The following ERLIN2 variants were observed in gnomAD, a reference collection of about 807,000 sequenced individuals.
ERLIN2 encodes erlin-2.
Under a neutral mutation model 41.5 loss-of-function variants are expected in ERLIN2, and 22 were observed. The observed-to-expected ratio is 0.53, with a 90% CI of 0.38 to 0.76. ERLIN2 has a LOEUF of 0.76. Among genes scored for constraint, ERLIN2 ranks in the 30% least tolerant of loss-of-function variants. The pLI is 0.00. For missense variants in ERLIN2, 247 were observed against 414.3 expected, an observed-to-expected ratio of 0.60 and a Z score of 3.51; for synonymous variants, 149 against 150.9, an observed-to-expected ratio of 0.99 and a Z score of 0.09.
rs1802852574 is a variant in ERLIN2 at position 37,741,539 on chromosome 8, C to T, written c.190-233C>T. On this transcript the variant is annotated intron_variant, in intron 3 of 11. Coordinates refer to ENST00000519638, the MANE Select transcript of ERLIN2 (RefSeq NM_007175.8). This position sits in a 1 kb window ranked among gnomAD's most constrained non-coding sequence, Gnocchi z 4.8. ...CAATCCAGTGTCATCTTCACTAAAC[C>T]ATTATTACTCAGCTTGTTGATGTGG... is the stretch of plus-strand genomic sequence containing the variant. Among the ~76,000 whole-genome samples the T allele has an allele frequency of 6.6e-6, 1 of 152,092 alleles. No individual in the cohort carries two copies. Among genetic ancestry groups the T allele is most frequent in the Admixed American group, 6.5e-5 (1 of 15,272 alleles).
rs370451293 is a variant in ERLIN2 at position 37,750,376 on chromosome 8, G to A, written c.558-19G>A. On this transcript the variant is annotated intron_variant, in intron 8 of 11. Coordinates refer to ENST00000519638, the MANE Select transcript of ERLIN2 (RefSeq NM_007175.8). The stretch of plus-strand genomic sequence containing the variant: ...CCTGAGTTTTCCATAGCTGCCTCAC[G>A]GCTTTTTCTTCTCTTCAGGGAAAGT... The A allele has an allele frequency of 2.8e-5, 45 of 1,601,446 alleles. No individual in the cohort carries two copies. Among genetic ancestry groups the A allele is most frequent in the Non-Finnish European group, 3.3e-5 (39 of 1,169,854 alleles).
At position 37,751,200 on chromosome 8, in the gene ERLIN2, A is replaced by G. The variant is rs187468724; in HGVS notation, c.650-426A>G. 9.4e-4 allele frequency among the ~76,000 whole-genome samples: 143 copies of G among 152,356 alleles called. 1 individual carries two copies. Among genetic ancestry groups the G allele is most frequent in the African/African-American group, 3.3e-3 (137 of 41,584 alleles). On this transcript the variant is annotated intron_variant, in intron 9 of 11. Coordinates refer to ENST00000519638, the MANE Select transcript of ERLIN2 (RefSeq NM_007175.8). The stretch of plus-strand genomic sequence containing the variant: ...ACAGAGGGGTAAAATACCATGCCCA[A>G]GGGCATATGGCAAGTAAGGGGTGGA...
chr8:37,744,920 C>A, intron 6 of ERLIN2: 1 of 683,718 alleles, frequency 1.5e-6, no homozygotes, highest in South Asian at 1.6e-5. Flanking sequence ...GCACAGGGAC[C>A]ATAGTGGAGT....
At chr8:37,746,136 C>G in intron 6 of ERLIN2, 1 of 992,824 alleles carries the variant, frequency 1.0e-6, no homozygotes, top group Non-Finnish European at 1.2e-6. Context: ...TGCTAGCAAG[C>G]ACTACTTGGC....
At chr8:37,750,964 C>T (rs1803205667) in intron 9 of ERLIN2, among the ~76,000 whole-genome samples, 1 of 152,168 alleles carries the variant, frequency 6.6e-6, no homozygotes, top group Admixed American at 6.5e-5. Context: ...CATGATCTGC[C>T]CACCTCAGCC....
intron 11 of ERLIN2, 123 bp from the exon 12 acceptor site, chr8:37,753,792 G>A (rs1005586936): frequency 1.9e-5 from 17 of 881,222 alleles, no homozygotes; most frequent in Non-Finnish European, 2.6e-5. Flanking sequence ...TTACAGAAAT[G>A]TAACAATGAG....
rs1236339540 is a variant in ERLIN2 at position 37,741,869 on chromosome 8, C to CT, written c.236+52dup. 7.0e-7 allele frequency: 1 copy of CT among 1,433,074 alleles called. No individual in the cohort carries two copies. The highest frequency in any genetic ancestry group is 9.9e-7 in the Non-Finnish European group (1 of 1,015,010). The allele number at this position is 1,433,074 out of a possible 1,614,324, so 88.8% of individuals were successfully genotyped here. A position where few individuals can be genotyped will look rare whatever the true frequency, so the allele number is the denominator to read the frequency against. On this transcript the variant is annotated intron_variant, in intron 4 of 11. Transcript: ENST00000519638. This position sits in a 1 kb window ranked among gnomAD's most constrained non-coding sequence, Gnocchi z 4.8. ...AAGCCCAAATAAGTCAGAGAAAAGG[C>CT]TGTCTGGCTGGTTGCAGGAAGAGAC...
rs1803187404 is a variant in ERLIN2 at position 37,750,258 on chromosome 8, C to G, written c.558-137C>G. 7 of 714,866 alleles carry G rather than the reference C, an allele frequency of 9.8e-6. No individual in the cohort carries two copies. In the South Asian group the frequency reaches 1.0e-4, roughly 11 times the overall value. 44.3% of individuals were successfully genotyped at this position (714,866 alleles called of 1,614,324 possible). A position where few individuals can be genotyped will look rare whatever the true frequency, so the allele number is the denominator to read the frequency against. On this transcript the variant is annotated intron_variant, in intron 8 of 11. Coordinates refer to ENST00000519638, the MANE Select transcript of ERLIN2 (RefSeq NM_007175.8). ...CTGTCAACAACAGATCAGCTTTTAC[C>G]TGGGCCATCGAACAGCCTTCCAGGA... is the stretch of plus-strand genomic sequence containing the variant.
intron 6 of ERLIN2, among the ~76,000 whole-genome samples, chr8:37,749,034 AAC>A (rs2129707859): frequency 6.6e-6 from 1 of 152,308 alleles, no homozygotes; most frequent in Admixed American, 6.5e-5. Flanking sequence ...TCCTAATAGA[AAC>A]AGTCTTCCTT....
At chr8:37,751,556 C>G in intron 9 of ERLIN2, 70 bp from the exon 10 acceptor site, 2 of 1,361,170 alleles carry the variant, frequency 1.5e-6, no homozygotes, top group Non-Finnish European at 2.1e-6. Context: ...GGACACTCAG[C>G]TCGGGTGAAA....
chr8:37,736,733 C>T, intron 1 of ERLIN2, 55 bp downstream of exon 1: 2 of 985,676 alleles, frequency 2.0e-6, no homozygotes, highest in Non-Finnish European at 2.4e-6. Flanking sequence ...CGCTCAGGGT[C>T]GGGGCTGACC....
At chr8:37,747,577 A>G (rs1377371339) in intron 6 of ERLIN2, 1 of 1,612,434 alleles carries the variant, frequency 6.2e-7, no homozygotes, top group Admixed American at 1.7e-5. Context: ...TTTGGTCATC[A>G]TCACCTTCTT....
At chr8:37,748,729 T>C (rs995403428) in intron 6 of ERLIN2, among the ~76,000 whole-genome samples, 15 of 152,312 alleles carry the variant, frequency 9.8e-5, no homozygotes, top group Admixed American at 9.8e-4. Flanking sequence ...TCTTTTTCTC[T>C]AAGCCCCTCC....
chr8:37,753,375 C>T, intron 10 of ERLIN2, 75 bp from the exon 11 acceptor site: 1 of 1,239,704 alleles, frequency 8.1e-7, no homozygotes, highest in African/African-American at 1.5e-5. Flanking sequence ...CAGAGTCTTC[C>T]CATAGCCTCT....
chr8:37,741,959 C>G lies in ERLIN2; in HGVS notation c.236+141C>G. 1 of 721,458 alleles carries G rather than the reference C, an allele frequency of 1.4e-6. No individual in the cohort carries two copies. The highest frequency in any genetic ancestry group is 2.5e-6 in the Non-Finnish European group (1 of 397,948). 44.7% of individuals were successfully genotyped at this position (721,458 alleles called of 1,614,324 possible). A position where few individuals can be genotyped will look rare whatever the true frequency, so the allele number is the denominator to read the frequency against. ...CTCGTAGCTCCCTATATTGATTTGACCAGGTGATGGAGTGCAGTAGAGGAA... is the reference window on the plus strand; with the variant it reads ...CTCGTAGCTCCCTATATTGATTTGAGCAGGTGATGGAGTGCAGTAGAGGAA... On this transcript the variant is annotated intron_variant, in intron 4 of 11. Coordinates refer to ENST00000519638, the MANE Select transcript of ERLIN2 (RefSeq NM_007175.8). The surrounding 1 kb of genome is among the most constrained non-coding windows in gnomAD (Gnocchi z 4.8).
intron 6 of ERLIN2, chr8:37,744,900 G>A (rs1211494920): frequency 7.1e-6 from 5 of 703,416 alleles, no homozygotes; most frequent in Admixed American, 4.0e-5. Context: ...TTAGAGGGCT[G>A]GAGCTTTGGG....
intron 6 of ERLIN2, among the ~76,000 whole-genome samples, chr8:37,748,935 C>G (rs987966147): frequency 6.6e-6 from 1 of 152,192 alleles, no homozygotes; most frequent in Non-Finnish European, 1.5e-5. Context: ...ACAAAGAAAT[C>G]AGGACCAAAG....
intron 6 of ERLIN2, 52 bp from the exon 7 acceptor site, chr8:37,749,507 C>A: frequency 1.6e-6 from 2 of 1,278,156 alleles, no homozygotes; most frequent in South Asian, 1.2e-5. Context: ...CCTGCCCTCC[C>A]TCATCTAGAA....
At position 37,756,846 on chromosome 8, in the gene ERLIN2, T is replaced by TTTTTTTTTTATAA. The variant is rs1469701618; in HGVS notation, c.*2731_*2732insTTTTTTTTTATAA. The TTTTTTTTTTATAA allele has an allele frequency of 3.9e-5, 6 of 152,666 alleles. No individual in the cohort carries two copies. The highest frequency in any genetic ancestry group is 1.2e-4 in the African/African-American group (5 of 41,454). The allele number at this position is 152,666 out of a possible 1,614,324, so 9.5% of individuals were successfully genotyped here. On this transcript the variant is annotated 3_prime_UTR_variant, in exon 12 of 12. Coordinates refer to ENST00000519638, the MANE Select transcript of ERLIN2 (RefSeq NM_007175.8). ...CAAAATAAGTAACTGTTTATAAAATTCAGTTTTTGTAGGGTTTTCCAAGGA... is the reference window on the plus strand; with the variant it reads ...CAAAATAAGTAACTGTTTATAAAATTTTTTTTTTTATAACAGTTTTTGTAGGGTTTTCCAAGGA...
Sources: gnomAD v4.1 joint callset for allele counts (sites outside exome capture counted in the v4.1 genomes callset) on GRCh38, gnomAD v4.1.1 for gene constraint, Gnocchi (gnomAD v3.1) non-coding constraint, MANE v1.5 for transcripts, NCBI Gene and HGNC (gene_info 2026-07-23, HGNC 2026-07-21) for gene names.